The following TNPO3 variants were observed in gnomAD, a reference collection of about 807,000 sequenced individuals.
The protein encoded by TNPO3 is transportin 3.
A neutral mutation model predicts 122.8 loss-of-function variants in TNPO3; 65 were observed. The observed-to-expected ratio is 0.53, with a 90% CI of 0.43 to 0.65. The LOEUF (loss-of-function observed/expected upper bound fraction) is 0.65, where lower values mean the gene tolerates loss of function less well. Among genes scored for constraint, TNPO3 ranks in the 30% least tolerant of loss-of-function variants. TNPO3 has a pLI of 0.00. For synonymous variants in TNPO3, 372 were observed against 411.2 expected (o/e 0.90, Z 1.15); for missense variants, 850 against 1,136.7 (o/e 0.75, Z 3.63).
At chr7:129,044,985 GTA>G in intron 1 of TNPO3, among the ~76,000 whole-genome samples, 1 of 152,122 alleles carries the variant, frequency 6.6e-6, no homozygotes, top group Non-Finnish European at 1.5e-5. Context: ...GCCAAACGTG[GTA>G]TATATACATA....
chr7:128,999,331 C>T (rs1442587773), intron 7 of TNPO3, among the ~76,000 whole-genome samples: 1 of 152,190 alleles, frequency 6.6e-6, no homozygotes, highest in Non-Finnish European at 1.5e-5. Context: ...TGGGATTTTA[C>T]TCGTAGCCTC....
At chr7:129,034,480 TG>T (rs752159362) in intron 1 of TNPO3, among the ~76,000 whole-genome samples, 7 of 152,246 alleles carry the variant, frequency 4.6e-5, no homozygotes, top group Middle Eastern at 3.4e-3. Flanking sequence ...CATTCCAGCC[TG>T]GAAGACAGAG....
At chr7:128,974,793 A>C in intron 18 of TNPO3, 75 bp downstream of exon 18, 1 of 1,249,406 alleles carries the variant, frequency 8.0e-7, no homozygotes, top group Non-Finnish European at 1.2e-6. Context: ...AGAATAAAAC[A>C]ACCAAGGGTC....
chr7:128,960,109 T>C (rs1797299041), intron 21 of TNPO3, among the ~76,000 whole-genome samples: 1 of 152,222 alleles, frequency 6.6e-6, no homozygotes, highest in Non-Finnish European at 1.5e-5. Context: ...TGTATGACAG[T>C]GATCCTATGA....
chr7:128,998,530 A>T (rs1410753877), intron 7 of TNPO3, among the ~76,000 whole-genome samples: 1 of 151,604 alleles, frequency 6.6e-6, no homozygotes, highest in African/African-American at 2.4e-5. Flanking sequence ...CTAATTTTTA[A>T]AATTTTCTGT....
chr7:128,964,649 T>C (rs768819839), intron 21 of TNPO3, among the ~76,000 whole-genome samples: 4 of 152,176 alleles, frequency 2.6e-5, no homozygotes, highest in African/African-American at 4.8e-5. Flanking sequence ...AAACAATCTT[T>C]AAAGTGAACA....
At chr7:129,028,267 T>C (rs2150484864) in intron 1 of TNPO3, among the ~76,000 whole-genome samples, 1 of 152,270 alleles carries the variant, frequency 6.6e-6, no homozygotes, top group South Asian at 2.1e-4. Context: ...CATATTAAAC[T>C]GAACTAGTAT....
upstream of TNPO3, chr7:129,055,801 A>T: frequency 2.1e-6 from 1 of 484,258 alleles, no homozygotes; most frequent in Non-Finnish European, 3.7e-6. Flanking sequence ...TGGAAACTGT[A>T]CTATGGAGAA....
At chr7:129,022,279 G>A (rs1484261939) in intron 1 of TNPO3, among the ~76,000 whole-genome samples, 3 of 152,036 alleles carry the variant, frequency 2.0e-5, no homozygotes, top group Non-Finnish European at 4.4e-5. Context: ...TAGCTACTAG[G>A]AGGCTGAGGA....
At chr7:129,003,064 A>AAAAG (rs1554439863) in intron 5 of TNPO3, among the ~76,000 whole-genome samples, 4 of 130,408 alleles carry the variant, frequency 3.1e-5, no homozygotes, top group African/African-American at 1.1e-4. Flanking sequence ...AAAAAAAAAA[A>AAAAG]TACAAAAAAT....
At position 129,054,855 on chromosome 7, in the gene TNPO3, G is replaced by T; in HGVS notation, c.-85C>A. 6.3e-7 allele frequency: 1 copy of T among 1,585,810 alleles called. No individual in the cohort carries two copies. Among genetic ancestry groups the T allele is most frequent in the Non-Finnish European group, 8.6e-7 (1 of 1,162,092 alleles). Reference sequence around the variant, plus strand: ...TGCTCCGCCTTCGCGCTTCCTCACTGTCTGGGCCACGGCCGCTCCCTGACT... The same window carrying T: ...TGCTCCGCCTTCGCGCTTCCTCACTTTCTGGGCCACGGCCGCTCCCTGACT... On this transcript the variant is annotated 5_prime_UTR_variant, in exon 1 of 23. Coordinates refer to ENST00000265388, the MANE Select transcript of TNPO3 (RefSeq NM_012470.4).
intron 1 of TNPO3, chr7:129,028,911 A>G: frequency 2.4e-6 from 1 of 412,410 alleles, no homozygotes; most frequent in South Asian, 1.9e-5. Flanking sequence ...TTAATAATGA[A>G]GAGTTTCACT....
Position 128,982,320 on chromosome 7 carries a change from A to T in TNPO3, c.1787T>A (p.Leu596Ter). The part of the protein sequence containing the change: ...SVQVMALKKL[L>*]SQEPSNGISS... ...TATGCCATTGCTGGGCTCTTGAGAC[A>T]ACAGCTGAAGAGACAAAAGGACATT... is the stretch of plus-strand genomic sequence containing the variant. The change falls in exon 14 of 23, where the codon TTG (leucine) becomes TAG (stop). Residue 596 changes from leucine to a stop codon, truncating the protein, a stop_gained. Coordinates refer to ENST00000265388, the MANE Select transcript of TNPO3 (RefSeq NM_012470.4). LOFTEE classifies it high-confidence loss of function. 6.2e-7 allele frequency: 1 copy of T among 1,612,902 alleles called. No homozygotes were observed.
In TNPO3 at chr7:129,054,636, C is replaced by A; in HGVS notation, c.120+15G>T. On this transcript the variant is annotated intron_variant, in intron 1 of 22. Transcript: ENST00000265388. ...CCGGCCGTGCGGCACAGAACTGCCT[C>A]TCTGGGCCCCTCACCGAACGCTGCA... The A allele has an allele frequency of 1.2e-6, 2 of 1,613,224 alleles. No individual in the cohort carries two copies. Among genetic ancestry groups the A allele is most frequent in the Non-Finnish European group, 1.7e-6 (2 of 1,179,974 alleles).
intron 4 of TNPO3, among the ~76,000 whole-genome samples, chr7:129,007,234 C>A (rs1396294926): frequency 6.6e-6 from 1 of 152,142 alleles, no homozygotes; most frequent in Non-Finnish European, 1.5e-5. Context: ...CAATATGGCA[C>A]AGGTAGGAAA....
intron 5 of TNPO3, among the ~76,000 whole-genome samples, chr7:129,003,654 G>A (rs1011535831): frequency 3.9e-5 from 6 of 151,956 alleles, no homozygotes; most frequent in African/African-American, 1.5e-4. Context: ...GGACGACAGG[G>A]AGACACCCTG....
chr7:129,026,955 G>T (rs904566567), intron 1 of TNPO3, among the ~76,000 whole-genome samples: 10 of 151,768 alleles, frequency 6.6e-5, no homozygotes, highest in African/African-American at 2.4e-4. Context: ...ACGGCACCCA[G>T]CTAATTTTTT....
intron 20 of TNPO3, 34 bp from the exon 21 acceptor site, chr7:128,967,426 G>A: frequency 7.0e-7 from 1 of 1,432,784 alleles, no homozygotes; most frequent in Non-Finnish European, 9.8e-7. Flanking sequence ...GTTTTAAAAG[G>A]AAGCATAGCT....
At chr7:129,010,356 C>G (rs922679086) in intron 4 of TNPO3, among the ~76,000 whole-genome samples, 2 of 151,772 alleles carry the variant, frequency 1.3e-5, no homozygotes, top group Non-Finnish European at 2.9e-5. Context: ...TTTTTTGAGA[C>G]AGGCTCTTGC....
Sources: allele counts gnomAD v4.1 joint callset (sites outside exome capture counted in the v4.1 genomes callset), GRCh38; gene constraint gnomAD v4.1.1; transcripts MANE v1.5; gene names NCBI Gene and HGNC (gene_info 2026-07-23, HGNC 2026-07-21).